Variants in KCNN1 observed in about 807,000 individuals in gnomAD.
KCNN1 encodes potassium calcium-activated channel subfamily N member 1, also known as small conductance calcium-activated potassium channel protein 1.
Under a neutral mutation model 44.7 loss-of-function variants are expected in KCNN1, and 20 were observed. That is an observed-to-expected ratio of 0.45 (90% confidence interval 0.32 to 0.65). The LOEUF is 0.65. Among genes scored for constraint, KCNN1 ranks in the 30% least tolerant of loss-of-function variants. The pLI is 0.05. For missense variants in KCNN1, 632 were observed against 785.3 expected (o/e 0.80, Z 2.33); for synonymous variants, 324 against 341.7 (o/e 0.95, Z 0.57).
chr19:17,975,117 A>G lies in KCNN1; in HGVS notation c.428A>G (p.Lys143Arg). Residue 143 changes from lysine to arginine, a missense_variant, in exon 3 of 10, where the codon AAA (lysine) becomes AGA (arginine). Physicochemically the swap from Lys to Arg is conservative, Grantham distance 26. This residue lies in a region of KCNN1 where 235 missense variants were observed against 224.0 expected (regional missense o/e 1.05). Coordinates refer to ENST00000684775, the MANE Select transcript of KCNN1 (RefSeq NM_001386974.1). ...GAGTCTCTGTACTCATTCGCACTCA[A>G]ATGCCTCATCAGCCTCTCCACGGCC... Reference protein sequence around the residue: ...TKESLYSFALKCLISLSTAIL... With the variant: ...TKESLYSFALRCLISLSTAIL... The G allele has an allele frequency of 6.2e-7, 1 of 1,613,652 alleles. No individual in the cohort carries two copies. The highest frequency in any genetic ancestry group is 8.5e-7 in the Non-Finnish European group (1 of 1,179,760).
At chr19:17,957,175 GGAGGA>G (rs1263185451) in intron 2 of KCNN1, among the ~76,000 whole-genome samples, 3 of 122,930 alleles carry the variant, frequency 2.4e-5, no homozygotes, top group Non-Finnish European at 3.4e-5. Flanking sequence ...AGAGGAGAGG[GGAGGA>G]GAGGAGAGGG....
intron 2 of KCNN1, among the ~76,000 whole-genome samples, chr19:17,959,925 A>G (rs886720052): frequency 1.3e-5 from 2 of 151,852 alleles, no homozygotes; most frequent in Non-Finnish European, 1.5e-5. Flanking sequence ...TCTACTAAAA[A>G]TACAAAAATT....
upstream of KCNN1, among the ~76,000 whole-genome samples, chr19:17,966,599 G>A (rs1283209271): frequency 6.6e-6 from 1 of 152,078 alleles, no homozygotes; most frequent in African/African-American, 2.4e-5. Context: ...CTCTAACCGA[G>A]TGCCCCAGCA....
chr19:17,961,637 A>C (rs1314443898), intron 2 of KCNN1, among the ~76,000 whole-genome samples: 1 of 144,180 alleles, frequency 6.9e-6, no homozygotes, highest in Non-Finnish European at 1.5e-5. Context: ...GCTGGAGTGC[A>C]ATGGCACAAT....
intron 7 of KCNN1, chr19:17,990,115 G>A: frequency 4.9e-6 from 3 of 610,976 alleles, no homozygotes. Flanking sequence ...AGACTTTGAA[G>A]CGATTTCCTC....
chr19:17,989,562 ATGT>A (rs533961395), intron 6 of KCNN1, among the ~76,000 whole-genome samples, 151 bp from the exon 7 acceptor site: 3 of 152,308 alleles, frequency 2.0e-5, no homozygotes, highest in East Asian at 1.9e-4. Context: ...CACTGCACAG[ATGT>A]TGTTGTACAA....
intron 2 of KCNN1, among the ~76,000 whole-genome samples, chr19:17,961,933 A>C (rs1397574264): frequency 6.6e-6 from 1 of 151,826 alleles, no homozygotes; most frequent in Non-Finnish European, 1.5e-5. Flanking sequence ...TCTGGGGAGG[A>C]CTCAAATTTT....
At chr19:17,991,939 G>T (rs1206989631) in intron 7 of KCNN1, among the ~76,000 whole-genome samples, 1 of 152,114 alleles carries the variant, frequency 6.6e-6, no homozygotes, top group African/African-American at 2.4e-5. Context: ...TGACCCACAG[G>T]CCATAATATG....
In KCNN1 at chr19:17,998,949, C is replaced by G. The variant is rs2033097906; in HGVS notation, c.*543C>G. ...GATCCCTCAGACAGCATGGCCCAGC[C>G]CTGGCCAGAAGCATCGCTCCCCTTC... On this transcript the variant is annotated 3_prime_UTR_variant, in exon 10 of 10. Coordinates refer to ENST00000684775, the MANE Select transcript of KCNN1 (RefSeq NM_001386974.1). This position sits in a 1 kb window ranked among gnomAD's most constrained non-coding sequence, Gnocchi z 5.4. The G allele has an allele frequency of 6.6e-6, 1 of 152,564 alleles. No homozygotes were observed. The highest frequency in any genetic ancestry group is 1.5e-5 in the Non-Finnish European group (1 of 68,314). The allele number at this position is 152,564 out of a possible 1,614,324, so 9.5% of individuals were successfully genotyped here. A position where few individuals can be genotyped will look rare whatever the true frequency, so the allele number is the denominator to read the frequency against.
chr19:17,967,180 C>G lies in KCNN1; in HGVS notation c.-219C>G. 1.1e-6 allele frequency: 1 copy of G among 942,578 alleles called. No individual in the cohort carries two copies. The highest frequency in any genetic ancestry group is 1.3e-6 in the Non-Finnish European group (1 of 793,040). The allele number at this position is 942,578 out of a possible 1,614,324, so 58.4% of individuals were successfully genotyped here. A position where few individuals can be genotyped will look rare whatever the true frequency, so the allele number is the denominator to read the frequency against. ...CCTGCCGCCGCCGCCCCCGGCCCCG[C>G]CGCCCCCGGGCCCCGCGCCCGCTCG... is the stretch of plus-strand genomic sequence containing the variant. On this transcript the variant is annotated 5_prime_UTR_variant, in exon 1 of 10. Coordinates refer to ENST00000684775, the MANE Select transcript of KCNN1 (RefSeq NM_001386974.1).
At position 17,983,928 on chromosome 19, in the gene KCNN1, C is replaced by T. The variant is rs1030648672; in HGVS notation, c.918-1384C>T. 2.6e-5 allele frequency among the ~76,000 whole-genome samples: 4 copies of T among 151,580 alleles called. No homozygotes were observed. The highest frequency in any genetic ancestry group is 2.1e-4 in the South Asian group (1 of 4,806). On this transcript the variant is annotated intron_variant, in intron 4 of 9. Transcript: ENST00000684775. The surrounding 1 kb of genome is among the most constrained non-coding windows in gnomAD (Gnocchi z 4.5). ...ATCCCAGCACTTTGGGAGGCCGAGGCGGGTGGATTACCAGGTCAGGAGATT... is the reference window on the plus strand; with the variant it reads ...ATCCCAGCACTTTGGGAGGCCGAGGTGGGTGGATTACCAGGTCAGGAGATT...
At chr19:17,982,401 A>G (rs1228563418) in intron 4 of KCNN1, among the ~76,000 whole-genome samples, 3 of 151,660 alleles carry the variant, frequency 2.0e-5, no homozygotes, top group East Asian at 3.9e-4. Flanking sequence ...GGGTCTCCCA[A>G]GCTTCCTTCT....
In KCNN1 at chr19:17,983,606, C is replaced by T. The variant is rs374292746; in HGVS notation, c.917+1479C>T. Among the ~76,000 whole-genome samples, 89 of 151,888 alleles carry T rather than the reference C, an allele frequency of 5.9e-4. No individual in the cohort carries two copies. The East Asian group carries it at 0.013, about 22-fold the overall frequency. On this transcript the variant is annotated intron_variant, in intron 4 of 9. Coordinates refer to ENST00000684775, the MANE Select transcript of KCNN1 (RefSeq NM_001386974.1). The surrounding 1 kb of genome is among the most constrained non-coding windows in gnomAD (Gnocchi z 4.5). ...TGCAGGGCTCTGGGGGGGTGGGGCA[C>T]GGGGCAGGGCCGGCAGGCAGCCAAT...
rs59641780 is a variant in KCNN1 at position 17,998,116 on chromosome 19, C to A, written c.1378-36C>A. 1,297 of 1,536,126 alleles carry A rather than the reference C, an allele frequency of 8.4e-4. 22 individuals are homozygous for A. In the East Asian group the frequency reaches 0.026, roughly 31 times the overall value. On this transcript the variant is annotated intron_variant, in intron 9 of 9. Coordinates refer to ENST00000684775, the MANE Select transcript of KCNN1 (RefSeq NM_001386974.1). This position sits in a 1 kb window ranked among gnomAD's most constrained non-coding sequence, Gnocchi z 5.4. The stretch of plus-strand genomic sequence containing the variant: ...TATCGTCCTTTCCTCTCTCACTCAG[C>A]GGCGCCTCTCTCCTGCCCCTCTCTG...
chr19:17,951,925 G>A (rs542574288), intron 1 of KCNN1, among the ~76,000 whole-genome samples: 1 of 152,360 alleles, frequency 6.6e-6, no homozygotes, highest in South Asian at 2.1e-4. Context: ...AGGGGCTTCC[G>A]CTCTCCGGGC....
chr19:17,989,450 A>AAAAC lies in KCNN1; in HGVS notation c.1171-242_1171-239dup, dbSNP rs58466722. ...TCCAGTCTGGGCCACAGAGCCTCAA[A>AAAAC]AAACAAACAAACAAACAAACAAACA... On this transcript the variant is annotated intron_variant, in intron 6 of 9. Transcript: ENST00000684775. 3.1e-3 allele frequency among the ~76,000 whole-genome samples: 476 copies of AAAAC among 152,176 alleles called. 1 individual carries two copies. The highest frequency in any genetic ancestry group is 8.9e-3 in the African/African-American group (370 of 41,480).
intron 1 of KCNN1, among the ~76,000 whole-genome samples, chr19:17,953,601 AAGGGAGCTAC>A (rs1175737390): frequency 1.3e-5 from 2 of 152,186 alleles, no homozygotes; most frequent in South Asian, 4.1e-4. Flanking sequence ...GGAGCACGCC[AAGGGAGCTAC>A]AGGCTCCCAG....
chr19:17,963,173 C>G (rs111380643), upstream of KCNN1, among the ~76,000 whole-genome samples: 1 of 151,532 alleles, frequency 6.6e-6, no homozygotes, highest in African/African-American at 2.4e-5. Flanking sequence ...ACGCCACACC[C>G]GGCTAAGTTT....
At chr19:17,966,071 TC>T (rs2031802831), upstream of KCNN1, among the ~76,000 whole-genome samples, 2 of 147,602 alleles carry the variant, frequency 1.4e-5, no homozygotes, top group African/African-American at 5.0e-5. Flanking sequence ...CTTCCTTCCT[TC>T]CTTCCTTCCT....
Sources: allele counts gnomAD v4.1 joint callset (sites outside exome capture counted in the v4.1 genomes callset), GRCh38; gene constraint gnomAD v4.1.1; regional missense constraint gnomAD v4.1.1; non-coding constraint Gnocchi (gnomAD v3.1); transcripts MANE v1.5; gene names NCBI Gene and HGNC (gene_info 2026-07-23, HGNC 2026-07-21).